WNK2: variants seen among roughly 807,000 people sequenced by gnomAD.
The protein encoded by WNK2 is serine/threonine-protein kinase WNK2.
Under a neutral mutation model 192.1 loss-of-function variants are expected in WNK2, and 67 were observed. The observed-to-expected ratio is 0.35, with a 90% CI of 0.29 to 0.43. WNK2 has a LOEUF of 0.43. WNK2 is among the 20% of genes least tolerant of loss of function. The probability of loss-of-function intolerance (pLI) is 1.00; values close to 1 mark genes in which losing one functional copy is unlikely to be tolerated. For synonymous variants in WNK2, 1,439 were observed against 1,393.9 expected (o/e 1.03, Z -0.72); for missense variants, 2,698 against 3,089.7 (o/e 0.87, Z 3.01).
chr9:93,274,506 C>T (rs1294654719), intron 19 of WNK2, among the ~76,000 whole-genome samples: 1 of 134,642 alleles, frequency 7.4e-6, no homozygotes, highest in Non-Finnish European at 1.5e-5. Context: ...TGCAAGGCTC[C>T]GTCTCAACCA....
At position 93,192,644 on chromosome 9, in the gene WNK2, G is replaced by A. The variant is rs563540819; in HGVS notation, c.681+7034G>A. Among the ~76,000 whole-genome samples the A allele has an allele frequency of 5.3e-5, 8 of 152,344 alleles. No individual in the cohort carries two copies. In the South Asian group the frequency reaches 1.5e-3, roughly 28 times the overall value. On this transcript the variant is annotated intron_variant, in intron 2 of 29. Transcript: ENST00000427277. ...GAGGGGCTGCCCAGGACAGGAGGGT[G>A]CTCCAGGATGCCAGAACTGTTTCAA...
At chr9:93,306,491 C>G in intron 26 of WNK2, 10 of 381,436 alleles carry the variant, frequency 2.6e-5, no homozygotes, top group Non-Finnish European at 1.4e-5. Flanking sequence ...TTTTTTCTTT[C>G]TCTTTTACTT....
intron 2 of WNK2, among the ~76,000 whole-genome samples, chr9:93,197,476 C>T (rs180876832): frequency 1.3e-3 from 202 of 152,294 alleles, no homozygotes; most frequent in Admixed American, 2.3e-3. Flanking sequence ...GCATTGTCTT[C>T]TGAAGGTTTA....
In WNK2 at chr9:93,263,742, GGCGGGGC is replaced by G. The variant is rs1844672149; in HGVS notation, c.3579+10_3579+16del. ...CGGCTTACCATCTTGAACGTGAGTG[GGCGGGGC>G]GTGGCGGGGGTGTGGTGGGGGTGGG... is the stretch of plus-strand genomic sequence containing the variant. On this transcript the variant is annotated intron_variant, in intron 15 of 29. Transcript: ENST00000427277. 6.9e-7 allele frequency: 1 copy of G among 1,458,010 alleles called. No individual in the cohort carries two copies. Among genetic ancestry groups the G allele is most frequent in the African/African-American group, 1.5e-5 (1 of 68,290 alleles). The allele number at this position is 1,458,010 out of a possible 1,614,324, so 90.3% of individuals were successfully genotyped here. A position where few individuals can be genotyped will look rare whatever the true frequency, so the allele number is the denominator to read the frequency against.
At chr9:93,319,724 C>T (rs1855267814) in intron 29 of WNK2, among the ~76,000 whole-genome samples, 1 of 152,186 alleles carries the variant, frequency 6.6e-6, no homozygotes, top group African/African-American at 2.4e-5. Context: ...GGACTTGGGG[C>T]TGGGGTTGCC....
intron 13 of WNK2, 122 bp downstream of exon 13, chr9:93,262,229 A>G: frequency 8.1e-7 from 1 of 1,236,638 alleles, no homozygotes; most frequent in Admixed American, 2.9e-5. Flanking sequence ...ACAGCCACCC[A>G]GGTTCTGTTC....
intron 8 of WNK2, among the ~76,000 whole-genome samples, chr9:93,251,508 G>A (rs940555301): frequency 6.6e-6 from 1 of 152,112 alleles, no homozygotes; most frequent in African/African-American, 2.4e-5. Context: ...CCAGGGGTTC[G>A]AGACCAGTCT....
intron 2 of WNK2, among the ~76,000 whole-genome samples, chr9:93,202,325 C>CGTGTGT (rs761769543): frequency 0.067 from 8,743 of 130,438 alleles, 408 homozygotes; most frequent in African/African-American, 0.1. Context: ...TCCGTGTGCA[C>CGTGTGT]GTGTGTGTGT....
intron 19 of WNK2, among the ~76,000 whole-genome samples, chr9:93,275,992 T>A (rs547824012): frequency 7.9e-5 from 12 of 152,356 alleles, no homozygotes; most frequent in African/African-American, 2.9e-4. Context: ...TGTTCATGGA[T>A]TGGAAGACTC....
intron 2 of WNK2, among the ~76,000 whole-genome samples, chr9:93,227,896 T>C (rs150895816): frequency 2.3e-3 from 354 of 152,356 alleles, no homozygotes; most frequent in Non-Finnish European, 4.0e-3. Context: ...GATTATGGAA[T>C]ATCTTATTTC....
Position 93,192,927 on chromosome 9 carries a change from T to G in WNK2, c.681+7317T>G, listed in dbSNP as rs1830593844. On this transcript the variant is annotated intron_variant, in intron 2 of 29. Coordinates refer to ENST00000427277, the MANE Select transcript of WNK2 (RefSeq NM_006648.4). ...TATGCCCATAGTCATCTTGTAGGTGTCTCTCAGGGCCTGTGGCTTGGGTCT... is the reference window on the plus strand; with the variant it reads ...TATGCCCATAGTCATCTTGTAGGTGGCTCTCAGGGCCTGTGGCTTGGGTCT... Among the ~76,000 whole-genome samples, 3 of 152,062 alleles carry G rather than the reference T, an allele frequency of 2.0e-5. No individual in the cohort carries two copies. In the South Asian group the frequency reaches 6.2e-4, roughly 32 times the overall value.
chr9:93,320,450 C>T lies in WNK2; in HGVS notation c.*58C>T. On this transcript the variant is annotated 3_prime_UTR_variant, in exon 30 of 30. Transcript: ENST00000427277. ...TCTAAGTGGAGAAGTGACGGACCCT[C>T]AGGGCCAGCTGCTCCTCCTGTCCAG... 1 of 1,364,548 alleles carries T rather than the reference C, an allele frequency of 7.3e-7. No individual in the cohort carries two copies. Among genetic ancestry groups the T allele is most frequent in the East Asian group, 4.6e-5 (1 of 21,976 alleles). The allele number at this position is 1,364,548 out of a possible 1,614,324, so 84.5% of individuals were successfully genotyped here.
chr9:93,319,247 A>C (rs1855225647), intron 29 of WNK2: 1 of 1,578,440 alleles, frequency 6.3e-7, no homozygotes. Flanking sequence ...CTCTATCCAT[A>C]TAAAATCCAA....
chr9:93,246,526 C>CA (rs1841727343), intron 7 of WNK2, among the ~76,000 whole-genome samples: 1 of 152,228 alleles, frequency 6.6e-6, no homozygotes, highest in Admixed American at 6.5e-5. Flanking sequence ...TCCCACCCAG[C>CA]AAAAAGGTTC....
chr9:93,232,510 AG>A (rs1181559158), intron 4 of WNK2, among the ~76,000 whole-genome samples: 1 of 152,192 alleles, frequency 6.6e-6, no homozygotes, highest in Non-Finnish European at 1.5e-5. Context: ...CAGAAGTGGT[AG>A]GAACCCAGGT....
chr9:93,314,436 G>C (rs889625186), intron 28 of WNK2, among the ~76,000 whole-genome samples: 1 of 139,072 alleles, frequency 7.2e-6, no homozygotes, highest in African/African-American at 2.7e-5. Flanking sequence ...GACAGAGCAA[G>C]ACCCTGTCTG....
Position 93,308,547 on chromosome 9 carries a change from C to G in WNK2, c.6479C>G (p.Ala2160Gly), listed in dbSNP as rs374287169. ...KQTQKLQDME[A>G]QAGWAAPGEA... is the part of the protein sequence containing the mutation. ...ACCCAGAAGCTGCAAGACATGGAGGCCCAGGCAGGCTGGGCTGCCCCTGGC... is the reference window on the plus strand; with the variant it reads ...ACCCAGAAGCTGCAAGACATGGAGGGCCAGGCAGGCTGGGCTGCCCCTGGC... Residue 2160 changes from alanine (A) to glycine (G), a missense_variant, in exon 28 of 30, where the codon GCC (alanine) becomes GGC (glycine). This residue lies in a region of WNK2 where 167 missense variants were observed against 184.2 expected (regional missense o/e 0.91). Coordinates refer to ENST00000427277, the MANE Select transcript of WNK2 (RefSeq NM_006648.4). The G allele has an allele frequency of 1.2e-6, 2 of 1,601,884 alleles. No homozygotes were observed. Among genetic ancestry groups the G allele is most frequent in the African/African-American group, 2.7e-5 (2 of 74,756 alleles).
chr9:93,318,988 T>C, intron 29 of WNK2: 1 of 1,488,256 alleles, frequency 6.7e-7, no homozygotes, highest in Non-Finnish European at 8.9e-7. Flanking sequence ...TTGAATTTTC[T>C]AGGTGATTAT....
intron 14 of WNK2, 155 bp from the exon 15 acceptor site, chr9:93,263,411 C>T (rs768673932): frequency 3.4e-6 from 3 of 875,380 alleles, no homozygotes; most frequent in Non-Finnish European, 5.1e-6. Flanking sequence ...GGCCCAGAAG[C>T]AGGCTTGGGG....
Sources: allele counts gnomAD v4.1 joint callset (sites outside exome capture counted in the v4.1 genomes callset), GRCh38; gene constraint gnomAD v4.1.1; regional missense constraint gnomAD v4.1.1; transcripts MANE v1.5; gene names NCBI Gene and HGNC (gene_info 2026-07-23, HGNC 2026-07-21).